The following ROBO1 variants were observed in gnomAD, a reference collection of about 807,000 sequenced individuals.
ROBO1 encodes the protein roundabout guidance receptor 1.
ROBO1 carries 149 observed loss-of-function variants against 195.9 expected under a neutral mutation model. The observed-to-expected ratio is 0.76, with a 90% CI of 0.67 to 0.87. ROBO1 has a LOEUF of 0.87. Ranked by LOEUF, ROBO1 falls within the 40% of genes least tolerant of loss-of-function variation. The probability of loss-of-function intolerance (pLI) is 0.00; values close to 1 mark genes in which losing one functional copy is unlikely to be tolerated. For synonymous variants in ROBO1, 816 were observed against 733.2 expected (o/e 1.11, Z -1.82); for missense variants, 1,933 against 2,068.3 (o/e 0.93, Z 1.27).
At chr3:78,897,140 C>T (rs557603139) in intron 4 of ROBO1, among the ~76,000 whole-genome samples, 2 of 152,318 alleles carry the variant, frequency 1.3e-5, no homozygotes, top group East Asian at 1.9e-4. Flanking sequence ...TCTCACCCTC[C>T]TTATTCTGTA....
intron 1 of ROBO1, among the ~76,000 whole-genome samples, chr3:79,590,766 T>C (rs1943973880): frequency 6.6e-6 from 1 of 151,536 alleles, no homozygotes; most frequent in African/African-American, 2.4e-5. Context: ...GGTATGTATA[T>C]ACATAAATTT....
intron 2 of ROBO1, among the ~76,000 whole-genome samples, chr3:79,419,463 G>T (rs1466237989): frequency 6.6e-6 from 1 of 152,138 alleles, no homozygotes; most frequent in Non-Finnish European, 1.5e-5. Context: ...CGTTTGACAT[G>T]TTGAGAAACT....
At chr3:78,773,784 A>G (rs1384883109) in intron 4 of ROBO1, among the ~76,000 whole-genome samples, 1 of 152,176 alleles carries the variant, frequency 6.6e-6, no homozygotes, top group Non-Finnish European at 1.5e-5. Flanking sequence ...TATCTGGTAC[A>G]CAGTGGGTGC....
chr3:79,129,848 G>A (rs1037481588), intron 2 of ROBO1, among the ~76,000 whole-genome samples: 1 of 149,552 alleles, frequency 6.7e-6, no homozygotes, highest in Non-Finnish European at 1.5e-5. Flanking sequence ...ATCTTGAATT[G>A]ATTTTTGTAT....
At chr3:78,645,517 T>G (rs1229629700) in intron 21 of ROBO1, among the ~76,000 whole-genome samples, 6 of 152,032 alleles carry the variant, frequency 3.9e-5, no homozygotes, top group African/African-American at 7.2e-5. Context: ...TATACCTTAT[T>G]TCAGCCCCTT....
intron 3 of ROBO1, among the ~76,000 whole-genome samples, chr3:79,112,529 G>A (rs1166454428): frequency 6.6e-6 from 1 of 152,146 alleles, no homozygotes; most frequent in African/African-American, 2.4e-5. Context: ...TTATTTTGCT[G>A]TGGTTTAGAG....
intron 2 of ROBO1, among the ~76,000 whole-genome samples, chr3:79,519,093 C>T (rs1941081354): frequency 6.6e-6 from 1 of 152,032 alleles, no homozygotes; most frequent in Non-Finnish European, 1.5e-5. Context: ...CTTCTCGTTC[C>T]AGAACCCAGG....
intron 3 of ROBO1, among the ~76,000 whole-genome samples, chr3:79,122,380 C>G (rs1490811004): frequency 6.6e-6 from 1 of 151,930 alleles, no homozygotes; most frequent in Non-Finnish European, 1.5e-5. Flanking sequence ...TGAAATATTT[C>G]AAAACCTTAC....
chr3:78,691,264 T>A (rs1386546162), intron 8 of ROBO1, among the ~76,000 whole-genome samples: 1 of 152,150 alleles, frequency 6.6e-6, no homozygotes, highest in Non-Finnish European at 1.5e-5. Flanking sequence ...ATATTTATGA[T>A]GAAATTTTGG....
chr3:79,086,700 A>G (rs2079377417), intron 3 of ROBO1, among the ~76,000 whole-genome samples: 1 of 152,170 alleles, frequency 6.6e-6, no homozygotes, highest in South Asian at 2.1e-4. Flanking sequence ...CCTCAATTCT[A>G]TAGAATCAGA....
chr3:79,759,571 G>A (rs146986314), intron 1 of ROBO1, among the ~76,000 whole-genome samples: 2 of 152,270 alleles, frequency 1.3e-5, no homozygotes, highest in East Asian at 3.9e-4. Flanking sequence ...AGTAAATGAC[G>A]CTATGCATAG....
intron 1 of ROBO1, among the ~76,000 whole-genome samples, chr3:79,716,841 A>T (rs901318092): frequency 1.3e-4 from 20 of 152,166 alleles, no homozygotes; most frequent in Non-Finnish European, 1.8e-4. Flanking sequence ...TTTAAAAATG[A>T]TTCGATGACA....
At chr3:79,533,723 A>T (rs1253460616) in intron 2 of ROBO1, among the ~76,000 whole-genome samples, 1 of 152,174 alleles carries the variant, frequency 6.6e-6, no homozygotes, top group Non-Finnish European at 1.5e-5. Flanking sequence ...TAATCGATTT[A>T]CAAGCTCTTT....
At chr3:79,203,819 G>T (rs2081813317) in intron 2 of ROBO1, among the ~76,000 whole-genome samples, 2 of 152,164 alleles carry the variant, frequency 1.3e-5, no homozygotes, top group Admixed American at 6.5e-5. Flanking sequence ...GAATATCATA[G>T]TAACATCATC....
intron 2 of ROBO1, among the ~76,000 whole-genome samples, chr3:79,239,963 T>C (rs1163376569): frequency 6.6e-6 from 1 of 152,166 alleles, no homozygotes; most frequent in Admixed American, 6.5e-5. Context: ...TATCAATATA[T>C]TGTAGCATGT....
intron 2 of ROBO1, among the ~76,000 whole-genome samples, chr3:79,298,475 T>A (rs2032715931): frequency 6.6e-6 from 1 of 152,158 alleles, no homozygotes; most frequent in Non-Finnish European, 1.5e-5. Flanking sequence ...GCTGTCTGTT[T>A]CTCTATTTTA....
intron 4 of ROBO1, among the ~76,000 whole-genome samples, chr3:78,873,459 A>T (rs1384586616): frequency 1.3e-5 from 2 of 151,596 alleles, no homozygotes; most frequent in African/African-American, 4.8e-5. Flanking sequence ...ATGAATTCCA[A>T]TTTTTTTTTC....
chr3:78,845,792 G>C (rs2033625226), intron 4 of ROBO1, among the ~76,000 whole-genome samples: 1 of 152,110 alleles, frequency 6.6e-6, no homozygotes, highest in South Asian at 2.1e-4. Flanking sequence ...CTCTGGAAAA[G>C]TGCAATAAAC....
chr3:79,518,456 G>A (rs992176622), intron 2 of ROBO1, among the ~76,000 whole-genome samples: 3 of 152,036 alleles, frequency 2.0e-5, no homozygotes, highest in African/African-American at 7.2e-5. Context: ...AGTTCTCTCA[G>A]GTAGTTTTAG....
Sources: allele counts gnomAD v4.1 joint callset (sites outside exome capture counted in the v4.1 genomes callset), GRCh38; gene constraint gnomAD v4.1.1; transcripts MANE v1.5; gene names NCBI Gene and HGNC (gene_info 2026-07-23, HGNC 2026-07-21).